ATR: variants seen among roughly 807,000 people sequenced by gnomAD.
ATR encodes the protein ATR checkpoint kinase.
ATR carries 142 observed loss-of-function variants against 305.3 expected under a neutral mutation model. That is an observed-to-expected ratio of 0.47 (90% CI 0.41 to 0.53). The LOEUF (loss-of-function observed/expected upper bound fraction) is 0.53, where lower values mean the gene tolerates loss of function less well. Ranked by LOEUF, ATR falls within the 20% of genes least tolerant of loss-of-function variation. The probability of loss-of-function intolerance (pLI) is 0.00; values close to 1 mark genes in which losing one functional copy is unlikely to be tolerated. For synonymous variants in ATR, 1,050 were observed against 1,068.1 expected, an observed-to-expected ratio of 0.98 and a Z score of 0.33; for missense variants, 2,135 against 3,133.1, an observed-to-expected ratio of 0.68 and a Z score of 7.60.
At chr3:142,571,645 T>C (rs2035265679) in intron 1 of ATR, among the ~76,000 whole-genome samples, 1 of 149,864 alleles carries the variant, frequency 6.7e-6, no homozygotes. Context: ...GTAAGACAGT[T>C]ACTTATAAAT....
chr3:142,486,970 A>C (rs983276539), intron 35 of ATR, among the ~76,000 whole-genome samples: 4 of 147,428 alleles, frequency 2.7e-5, no homozygotes, highest in Admixed American at 6.8e-5. Flanking sequence ...AAAAAAAAAA[A>C]AAAAAAAAAA....
At chr3:142,486,655 A>T (rs1160182635) in intron 35 of ATR, among the ~76,000 whole-genome samples, 1 of 152,094 alleles carries the variant, frequency 6.6e-6, no homozygotes, top group Non-Finnish European at 1.5e-5. Flanking sequence ...TTTTTAGTTA[A>T]GATTTTTAAG....
intron 24 of ATR, among the ~76,000 whole-genome samples, chr3:142,517,689 C>T (rs2032926645): frequency 6.6e-6 from 1 of 152,156 alleles, no homozygotes; most frequent in Admixed American, 6.5e-5. Context: ...AAAAGAATTT[C>T]CATTGCTTTG....
In ATR at chr3:142,560,440, T is replaced by C. The variant is rs776069964; in HGVS notation, c.1364A>G (p.Asp455Gly). The change falls in exon 6 of 47, where the codon GAC becomes GGC. Residue 455 changes from aspartate (D) to glycine (G), a missense_variant. By Grantham distance (94) the Asp-to-Gly change is moderately conservative. Coordinates refer to ENST00000350721, the MANE Select transcript of ATR (RefSeq NM_001184.4). ...CCATAATATGCTCTTTTGGTTCATG[T>C]CCACATGTTTAATTCTATAATTATG... The part of the protein sequence containing the change: ...PKQTEEIKHV[D>G]MNQKSILWSA... 2.5e-6 allele frequency: 4 copies of C among 1,609,948 alleles called. No individual in the cohort carries two copies.
rs1250673188 is a variant in ATR, at chr3:142,541,121, A to G, written c.3451-87T>C. The G allele has an allele frequency of 2.2e-5, 33 of 1,480,828 alleles. No individual in the cohort carries two copies. In the East Asian group the frequency reaches 7.3e-4, roughly 33 times the overall value. 91.7% of individuals were successfully genotyped at this position (1,480,828 alleles called of 1,614,324 possible). ...CCCTAAGGACAAGTGCTTCCCACCC[A>G]GTATCAGGGTGTCATCTATTCTCAG... On this transcript the variant is annotated intron_variant, in intron 17 of 46. Coordinates refer to ENST00000350721, the MANE Select transcript of ATR (RefSeq NM_001184.4).
intron 21 of ATR, among the ~76,000 whole-genome samples, chr3:142,531,040 G>A (rs1426194802): frequency 1.3e-5 from 2 of 152,050 alleles, no homozygotes; most frequent in Non-Finnish European, 2.9e-5. Context: ...TAAGATATGA[G>A]CTCCACAGAT....
intron 10 of ATR, among the ~76,000 whole-genome samples, chr3:142,554,758 C>CA (rs1553770339): frequency 1.3e-5 from 2 of 151,466 alleles, no homozygotes; most frequent in Non-Finnish European, 2.9e-5. Context: ...TCCCTCTCTA[C>CA]AAAAAATTTA....
intron 28 of ATR, among the ~76,000 whole-genome samples, chr3:142,507,068 T>C (rs1397023293): frequency 6.6e-6 from 1 of 152,192 alleles, no homozygotes; most frequent in African/African-American, 2.4e-5. Flanking sequence ...ATTTTAACCA[T>C]GAACCATAGA....
At chr3:142,452,814 G>A in intron 46 of ATR, 1 of 1,198,226 alleles carries the variant, frequency 8.3e-7, no homozygotes, top group Non-Finnish European at 1.0e-6. Flanking sequence ...TTAAAGCTCA[G>A]ACCTGTTGTT....
chr3:142,451,918 T>A, intron 46 of ATR: 1 of 1,283,672 alleles, frequency 7.8e-7, no homozygotes, highest in Non-Finnish European at 1.0e-6. Context: ...AATCCCTCAG[T>A]AAAAGGTATC....
chr3:142,562,905 C>T lies in ATR; in HGVS notation c.497G>A (p.Gly166Asp), dbSNP rs1415068332. 31 of 1,613,526 alleles carry T rather than the reference C, an allele frequency of 1.9e-5. No individual in the cohort carries two copies. Among genetic ancestry groups the T allele is most frequent in the Non-Finnish European group, 2.4e-5 (28 of 1,179,882 alleles). The change falls in exon 4 of 47, where the codon GGT becomes GAT. Residue 166 changes from glycine (G) to aspartate (D), a missense_variant. Coordinates refer to ENST00000350721, the MANE Select transcript of ATR (RefSeq NM_001184.4). ...GACCACTGGCCATTCCACAGCATGA[C>T]CCATCACATTTCTTCTATGGAGGTA... ...LVYLHRRNVM[G>D]HAVEWPVVMS...
intron 40 of ATR, chr3:142,465,958 A>G (rs1447199050): frequency 7.8e-6 from 2 of 257,182 alleles, no homozygotes; most frequent in African/African-American, 4.7e-5. Flanking sequence ...GTGAGCTGAG[A>G]TCGCACCACT....
rs554398363 is a variant in ATR, at chr3:142,546,235, A to AC, written c.3357+1489dup. Among the ~76,000 whole-genome samples the AC allele has an allele frequency of 4.6e-5, 7 of 150,744 alleles. No homozygotes were observed. In the South Asian group the frequency reaches 6.3e-4, roughly 14 times the overall value. On this transcript the variant is annotated intron_variant, in intron 16 of 46. Coordinates refer to ENST00000350721, the MANE Select transcript of ATR (RefSeq NM_001184.4). ...GGCTATGTTCCTCTACAATGAGAGG[A>AC]CCCCCCTCATGGTTCTGGCTCTCAA...
chr3:142,562,163 T>G, intron 4 of ATR, 69 bp downstream of exon 4: 2 of 1,470,668 alleles, frequency 1.4e-6, no homozygotes, highest in Non-Finnish European at 1.9e-6. Flanking sequence ...TATTACATTT[T>G]GCACATATGT....
At chr3:142,538,960 T>C (rs1028167523) in intron 18 of ATR, among the ~76,000 whole-genome samples, 25 of 152,270 alleles carry the variant, frequency 1.6e-4, no homozygotes, top group African/African-American at 4.1e-4. Flanking sequence ...AATCTAGATT[T>C]CTGACTATAA....
intron 1 of ATR, among the ~76,000 whole-genome samples, chr3:142,572,461 G>A (rs1321627900): frequency 1.5e-5 from 2 of 132,796 alleles, no homozygotes; most frequent in African/African-American, 5.7e-5. Context: ...AGCATTTACA[G>A]CTAATAAATG....
chr3:142,549,803 T>A (rs1410095779), intron 14 of ATR, 130 bp from the exon 15 acceptor site: 3 of 810,456 alleles, frequency 3.7e-6, no homozygotes, highest in Non-Finnish European at 4.0e-6. Flanking sequence ...ATAAAATATG[T>A]AATAGTAGAT....
chr3:142,512,229 A>AG, intron 27 of ATR, 31 bp downstream of exon 27: 1 of 1,552,088 alleles, frequency 6.4e-7, no homozygotes, highest in Non-Finnish European at 8.8e-7. Context: ...CTAAAAAAAA[A>AG]AAAAAAAAAG....
chr3:142,576,016 G>A (rs1469904530), intron 1 of ATR, among the ~76,000 whole-genome samples: 7 of 152,134 alleles, frequency 4.6e-5, no homozygotes, highest in Admixed American at 2.0e-4. Context: ...TTTACTGAGT[G>A]GAAAATCTAT....
Sources: gnomAD v4.1 joint callset for allele counts (sites outside exome capture counted in the v4.1 genomes callset) on GRCh38, gnomAD v4.1.1 for gene constraint, MANE v1.5 for transcripts, NCBI Gene and HGNC (gene_info 2026-07-23, HGNC 2026-07-21) for gene names.